The following CHD1 variants were observed in gnomAD, a reference collection of about 807,000 sequenced individuals.
The protein encoded by CHD1 is ATP-dependent chromatin remodeler CHD1.
CHD1 carries 36 observed loss-of-function variants against 224.2 expected under a neutral mutation model. That is an observed-to-expected ratio of 0.16 (90% CI 0.12 to 0.21). The LOEUF is 0.21. Among genes scored for constraint, CHD1 ranks in the 10% least tolerant of loss-of-function variants. The pLI is 1.00. For missense variants in CHD1, 1,378 were observed against 1,994.8 expected (o/e 0.69, Z 5.89); for synonymous variants, 668 against 658.3 (o/e 1.01, Z -0.23).
rs1401470155 is a variant in CHD1 at position 98,869,618 on chromosome 5, G to GCACACACACA, written c.4107+135_4107+136insTGTGTGTGTG. 3.8e-5 allele frequency: 30 copies of GCACACACACA among 796,046 alleles called. No individual in the cohort carries two copies. The African/African-American group carries it at 9.2e-4, about 24-fold the overall frequency. The allele number at this position is 796,046 out of a possible 1,614,324, so 49.3% of individuals were successfully genotyped here. The stretch of plus-strand genomic sequence containing the variant: ...GAACTATAAGTGCGTGCGCACGTGC[G>GCACACACACA]CGCGCACACACACACACACACACAC... On this transcript the variant is annotated intron_variant, in intron 30 of 35. Transcript: ENST00000614616.
At position 98,869,617 on chromosome 5, in the gene CHD1, C is replaced by CGT. The variant is rs1013368975; in HGVS notation, c.4107+136_4107+137insAC. 18 of 753,546 alleles carry CGT rather than the reference C, an allele frequency of 2.4e-5. No individual in the cohort carries two copies. In the African/African-American group the frequency reaches 3.5e-4, roughly 15 times the overall value. The allele number at this position is 753,546 out of a possible 1,614,324, so 46.7% of individuals were successfully genotyped here. A position where few individuals can be genotyped will look rare whatever the true frequency, so the allele number is the denominator to read the frequency against. On this transcript the variant is annotated intron_variant, in intron 30 of 35. Coordinates refer to ENST00000614616, the MANE Select transcript of CHD1 (RefSeq NM_001270.4). ...TGAACTATAAGTGCGTGCGCACGTG[C>CGT]GCGCGCACACACACACACACACACA...
At chr5:98,887,768 T>C (rs1750748541) in intron 17 of CHD1, among the ~76,000 whole-genome samples, 1 of 152,088 alleles carries the variant, frequency 6.6e-6, no homozygotes, top group Non-Finnish European at 1.5e-5. Context: ...GACTAAAGGC[T>C]CCCCTGCTTT....
chr5:98,858,556 GATTA>G (rs1210748309), intron 34 of CHD1, 166 bp from the exon 35 acceptor site: 15 of 566,104 alleles, frequency 2.6e-5, no homozygotes, highest in Non-Finnish European at 4.3e-5. Flanking sequence ...CAGTACTAAG[GATTA>G]ATTAAAAAAG....
intron 33 of CHD1, 137 bp downstream of exon 33, chr5:98,859,835 A>AT: frequency 2.2e-6 from 1 of 457,268 alleles, no homozygotes; most frequent in Non-Finnish European, 4.0e-6. Flanking sequence ...TGCAACAATC[A>AT]TTACTGTGGT....
chr5:98,874,947 A>G, intron 25 of CHD1, 125 bp downstream of exon 25: 1 of 608,260 alleles, frequency 1.6e-6, no homozygotes, highest in Non-Finnish European at 3.0e-6. Flanking sequence ...CTTGTACATT[A>G]ATTTTGTAAA....
intron 3 of CHD1, among the ~76,000 whole-genome samples, chr5:98,904,328 G>A (rs1049512064): frequency 6.6e-6 from 1 of 152,124 alleles, no homozygotes; most frequent in African/African-American, 2.4e-5. Flanking sequence ...TCTGTGTGTC[G>A]ATTTATATTC....
At chr5:98,905,736 C>A (rs1301317072) in intron 2 of CHD1, among the ~76,000 whole-genome samples, 5 of 152,110 alleles carry the variant, frequency 3.3e-5, no homozygotes, top group Admixed American at 1.3e-4. Flanking sequence ...TCTGAAATAG[C>A]AAATTCTCAT....
intron 25 of CHD1, 63 bp from the exon 26 acceptor site, chr5:98,873,786 A>C: frequency 6.8e-7 from 1 of 1,460,046 alleles, no homozygotes; most frequent in Non-Finnish European, 9.4e-7. Flanking sequence ...ATTTAAGATT[A>C]AGTTTCACTC....
intron 24 of CHD1, among the ~76,000 whole-genome samples, chr5:98,875,485 T>C (rs1286791025): frequency 6.6e-6 from 1 of 152,168 alleles, no homozygotes; most frequent in African/African-American, 2.4e-5. Context: ...CAAGTGCTGA[T>C]AAAAATTCAC....
intron 25 of CHD1, among the ~76,000 whole-genome samples, chr5:98,874,030 A>T (rs2112336817): frequency 6.6e-6 from 1 of 152,354 alleles, no homozygotes; most frequent in Admixed American, 6.5e-5. Flanking sequence ...GTAAAGCTTT[A>T]TAATTGTAAA....
intron 32 of CHD1, among the ~76,000 whole-genome samples, 197 bp downstream of exon 32, chr5:98,863,211 T>C (rs1671803576): frequency 6.6e-6 from 1 of 151,976 alleles, no homozygotes; most frequent in African/African-American, 2.4e-5. Flanking sequence ...ACTTGTTACA[T>C]ACCATGATAC....
At chr5:98,875,565 G>A (rs1220725734) in intron 24 of CHD1, among the ~76,000 whole-genome samples, 6 of 152,088 alleles carry the variant, frequency 3.9e-5, no homozygotes, top group Admixed American at 2.6e-4. Flanking sequence ...AGAAAGCTAC[G>A]TAAGTGGTTA....
At chr5:98,878,340 G>A (rs181260060) in intron 23 of CHD1, among the ~76,000 whole-genome samples, 1 of 152,180 alleles carries the variant, frequency 6.6e-6, no homozygotes, top group African/African-American at 2.4e-5. Context: ...GATCTAATAC[G>A]GTTGCAAGAA....
intron 35 of CHD1, among the ~76,000 whole-genome samples, chr5:98,856,988 T>A (rs971317166): frequency 6.6e-6 from 1 of 152,114 alleles, no homozygotes; most frequent in Non-Finnish European, 1.5e-5. Context: ...TTTAGATAAT[T>A]AGCTGCTTTT....
intron 13 of CHD1, 147 bp from the exon 14 acceptor site, chr5:98,893,753 A>G: frequency 1.2e-5 from 7 of 581,754 alleles, no homozygotes; most frequent in Non-Finnish European, 2.1e-5. Context: ...TAATCTCAAG[A>G]TTACAATACA....
Position 98,889,158 on chromosome 5 carries a change from T to A in CHD1, c.2261A>T (p.Glu754Val). The change falls in exon 16 of 36, where the codon GAG becomes GTG. Residue 754 changes from glutamate (E) to valine (V), a missense_variant. By Grantham distance (121) the Glu-to-Val change is moderately radical. Coordinates refer to ENST00000614616, the MANE Select transcript of CHD1 (RefSeq NM_001270.4). ...STSGFLNIMM[E>V]LKKCCNHCYL... ...GCAATGGTTACAACATTTCTTTAGC[T>A]CCATCATAATGTTCAAAAAGCCTGA... 1.9e-6 allele frequency: 3 copies of A among 1,608,026 alleles called. No homozygotes were observed. Among genetic ancestry groups the A allele is most frequent in the Non-Finnish European group, 2.6e-6 (3 of 1,174,838 alleles).
rs971829701 is a variant in CHD1, at chr5:98,856,045, G to A, written c.*335C>T. 4 of 171,722 alleles carry A rather than the reference G, an allele frequency of 2.3e-5. No individual in the cohort carries two copies. The highest frequency in any genetic ancestry group is 9.5e-5 in the African/African-American group (4 of 42,098). 10.6% of individuals were successfully genotyped at this position (171,722 alleles called of 1,614,324 possible). A position where few individuals can be genotyped will look rare whatever the true frequency, so the allele number is the denominator to read the frequency against. ...CATATATAAACATAATTTAAATGGA[G>A]GTCAGTCTAAAATCACTGACTTAAA... On this transcript the variant is annotated 3_prime_UTR_variant, in exon 36 of 36. Coordinates refer to ENST00000614616, the MANE Select transcript of CHD1 (RefSeq NM_001270.4).
chr5:98,927,901 C>T (rs161743), intron 1 of CHD1, among the ~76,000 whole-genome samples: 7,776 of 152,240 alleles, frequency 0.051, 661 homozygotes, highest in African/African-American at 0.18. Flanking sequence ...AGCGCTGTGT[C>T]CTCTCAAGCG....
intron 2 of CHD1, among the ~76,000 whole-genome samples, chr5:98,919,784 G>C (rs1194512962): frequency 6.6e-6 from 1 of 152,118 alleles, no homozygotes; most frequent in Non-Finnish European, 1.5e-5. Flanking sequence ...TAGATACGTA[G>C]GTATACATAA....
Sources: allele counts gnomAD v4.1 joint callset (sites outside exome capture counted in the v4.1 genomes callset), GRCh38; gene constraint gnomAD v4.1.1; transcripts MANE v1.5; gene names NCBI Gene and HGNC (gene_info 2026-07-23, HGNC 2026-07-21).